The following EYA2 variants were observed in gnomAD, a reference collection of about 807,000 sequenced individuals.
The protein encoded by EYA2 is protein phosphatase EYA2.
A neutral mutation model predicts 69.2 loss-of-function variants in EYA2; 31 were observed. The ratio of observed to expected loss-of-function variants is 0.45; its 90% CI spans 0.34 to 0.60. EYA2 has a LOEUF of 0.60. Ranked by LOEUF, EYA2 falls within the 20% of genes least tolerant of loss-of-function variation. EYA2 has a pLI of 0.02. For synonymous variants in EYA2, 257 were observed against 279.4 expected, an observed-to-expected ratio of 0.92 and a Z score of 0.80; for missense variants, 622 against 701.2, an observed-to-expected ratio of 0.89 and a Z score of 1.28.
At chr20:46,923,905 G>T (rs1311290977) in intron 1 of EYA2, among the ~76,000 whole-genome samples, 1 of 152,080 alleles carries the variant, frequency 6.6e-6, no homozygotes, top group South Asian at 2.1e-4. Context: ...ATCTCATTTT[G>T]CTAACTTTCA....
chr20:47,175,783 T>C (rs2034415296), intron 12 of EYA2, among the ~76,000 whole-genome samples: 1 of 152,104 alleles, frequency 6.6e-6, no homozygotes, highest in Non-Finnish European at 1.5e-5. Flanking sequence ...TGCTGAGCCT[T>C]GTGAGTTTGT....
chr20:47,012,786 A>G (rs892653162), intron 4 of EYA2, among the ~76,000 whole-genome samples: 1 of 152,212 alleles, frequency 6.6e-6, no homozygotes, highest in Non-Finnish European at 1.5e-5. Flanking sequence ...GAGCCACCGT[A>G]CTGGGCCAAA....
At chr20:47,172,949 C>A in intron 12 of EYA2, 82 bp downstream of exon 12, 1 of 1,497,344 alleles carries the variant, frequency 6.7e-7, no homozygotes, top group Non-Finnish European at 9.0e-7. Flanking sequence ...GTGCCAGGCG[C>A]CAGGCAGAGA....
intron 4 of EYA2, among the ~76,000 whole-genome samples, chr20:47,005,743 G>C (rs1242907081): frequency 2.0e-5 from 3 of 152,226 alleles, no homozygotes; most frequent in Non-Finnish European, 4.4e-5. Flanking sequence ...GGTGGAGGAC[G>C]GGGCAGAAAC....
rs530144198 is a variant in EYA2 at position 47,000,374 on chromosome 20, GCA to G, written c.110-1053_110-1052del. Among the ~76,000 whole-genome samples the G allele has an allele frequency of 1.1e-3, 161 of 152,296 alleles. 1 individual carries two copies. Among genetic ancestry groups the G allele is most frequent in the South Asian group, 5.8e-3 (28 of 4,820 alleles). ...CCTGAAGTCTCATAACTAGGAAGTG[GCA>G]GAGTTGCAAGTGCACGTTGGTCTCC... On this transcript the variant is annotated intron_variant, in intron 2 of 15. Transcript: ENST00000327619.
chr20:47,106,569 C>T (rs898108437), intron 9 of EYA2, among the ~76,000 whole-genome samples: 3 of 152,064 alleles, frequency 2.0e-5, no homozygotes, highest in Non-Finnish European at 4.4e-5. Flanking sequence ...TGTCCACTTA[C>T]GACACTGCTG....
At chr20:46,948,756 T>G (rs1978624790) in intron 1 of EYA2, among the ~76,000 whole-genome samples, 1 of 152,228 alleles carries the variant, frequency 6.6e-6, no homozygotes, top group South Asian at 2.1e-4. Flanking sequence ...GACCCTACTT[T>G]CAAGGTAACT....
At chr20:47,050,893 C>T (rs1002351705) in intron 5 of EYA2, among the ~76,000 whole-genome samples, 2 of 152,364 alleles carry the variant, frequency 1.3e-5, no homozygotes, top group Admixed American at 6.5e-5. Flanking sequence ...CAGCGTTTTA[C>T]GAGGCTCCTT....
intron 1 of EYA2, among the ~76,000 whole-genome samples, chr20:46,987,958 CTCTCTCTATATATATATA>C (rs1322905379): frequency 1.8e-4 from 6 of 33,780 alleles, no homozygotes; most frequent in Admixed American, 3.8e-4. Flanking sequence ...CTCTCTCTCT[CTCTCTCTATATATATATA>C]TATATATATA....
chr20:47,116,748 A>G (rs1302132240), intron 9 of EYA2, among the ~76,000 whole-genome samples: 1 of 152,124 alleles, frequency 6.6e-6, no homozygotes, highest in East Asian at 1.9e-4. Flanking sequence ...ATCACCTCCC[A>G]GAAAAACCAC....
chr20:47,018,672 TC>T (rs951209751), intron 5 of EYA2, among the ~76,000 whole-genome samples: 11 of 152,288 alleles, frequency 7.2e-5, no homozygotes, highest in African/African-American at 2.6e-4. Flanking sequence ...GTTCAAGGAC[TC>T]CAGAGGAGCC....
chr20:46,974,966 G>A (rs1477470895), intron 1 of EYA2, among the ~76,000 whole-genome samples: 1 of 152,114 alleles, frequency 6.6e-6, no homozygotes, highest in East Asian at 1.9e-4. Flanking sequence ...CTTGCATCAT[G>A]TGTTTTTCTA....
At chr20:47,030,967 T>G (rs189060005) in intron 5 of EYA2, among the ~76,000 whole-genome samples, 2 of 152,286 alleles carry the variant, frequency 1.3e-5, no homozygotes, top group Admixed American at 1.3e-4. Flanking sequence ...TGACCTCATT[T>G]AATCTTCATT....
Position 46,983,393 on chromosome 20 carries a change from A to T in EYA2, c.-10-6608A>T, listed in dbSNP as rs183545349. Reference sequence around the variant, plus strand: ...CACTTTGGTCAAATATGAGATTGAGATGACTCAAGGCAGGATCTATTTTGT... The same window carrying T: ...CACTTTGGTCAAATATGAGATTGAGTTGACTCAAGGCAGGATCTATTTTGT... On this transcript the variant is annotated intron_variant, in intron 1 of 15. Coordinates refer to ENST00000327619, the MANE Select transcript of EYA2 (RefSeq NM_005244.5). Among the ~76,000 whole-genome samples, 4 of 152,304 alleles carry T rather than the reference A, an allele frequency of 2.6e-5. No individual in the cohort carries two copies. The East Asian group carries it at 7.7e-4, about 29-fold the overall frequency.
chr20:46,967,406 G>T (rs981355592), intron 1 of EYA2, among the ~76,000 whole-genome samples: 2 of 152,218 alleles, frequency 1.3e-5, no homozygotes, highest in African/African-American at 4.8e-5. Context: ...ATACTCAGCT[G>T]TTAATTCCAA....
chr20:47,175,502 A>G (rs2034408998), intron 12 of EYA2, among the ~76,000 whole-genome samples: 1 of 152,094 alleles, frequency 6.6e-6, no homozygotes, highest in Admixed American at 6.6e-5. Flanking sequence ...GATGGCTAAT[A>G]GTGTCTGCAA....
At chr20:46,929,288 G>T (rs1306202169) in intron 1 of EYA2, among the ~76,000 whole-genome samples, 3 of 152,098 alleles carry the variant, frequency 2.0e-5, no homozygotes, top group Non-Finnish European at 4.4e-5. Flanking sequence ...TTCTCTGAAG[G>T]AACTGGGAAC....
chr20:46,970,586 G>A (rs1339102243), intron 1 of EYA2, among the ~76,000 whole-genome samples: 2 of 152,096 alleles, frequency 1.3e-5, no homozygotes, highest in South Asian at 2.1e-4. Flanking sequence ...GATTAAAATA[G>A]GGTAAAAAAA....
intron 1 of EYA2, among the ~76,000 whole-genome samples, chr20:46,955,029 CCTGG>C (rs1476607656): frequency 1.3e-5 from 2 of 152,160 alleles, no homozygotes; most frequent in Non-Finnish European, 2.9e-5. Flanking sequence ...GAGTTGATTT[CCTGG>C]TGCTTGATGG....
Sources: allele counts gnomAD v4.1 joint callset (sites outside exome capture counted in the v4.1 genomes callset), GRCh38; gene constraint gnomAD v4.1.1; transcripts MANE v1.5; gene names NCBI Gene and HGNC (gene_info 2026-07-23, HGNC 2026-07-21).